Variants in GARIN5A observed in about 807,000 individuals in gnomAD.
GARIN5A encodes golgi associated RAB2 interactor 5A.
chr19:50,476,560 G>C, the GARIN5A span: 1 of 1,574,944 alleles, frequency 6.3e-7, no homozygotes, highest in Non-Finnish European at 8.6e-7. Flanking sequence ...GGCAGCCAGC[G>C]CTGGGGCAAC....
the GARIN5A span, chr19:50,467,955 C>G: frequency 3.8e-6 from 3 of 793,698 alleles, no homozygotes; most frequent in Non-Finnish European, 2.1e-6. Flanking sequence ...CTTTCATTGC[C>G]TCTTGAACTT....
chr19:50,473,120 C>T, the GARIN5A span, among the ~76,000 whole-genome samples: 1 of 152,146 alleles, frequency 6.6e-6, no homozygotes, highest in Non-Finnish European at 1.5e-5. Flanking sequence ...TTAACTTAGG[C>T]AGGGGGATTA....
the GARIN5A span, chr19:50,476,030 C>T: frequency 6.2e-7 from 1 of 1,604,454 alleles, no homozygotes; most frequent in Non-Finnish European, 8.5e-7. Flanking sequence ...CACAGCCCCG[C>T]GGAGAGGACG....
the GARIN5A span, among the ~76,000 whole-genome samples, chr19:50,472,234 ATG>A: frequency 7.0e-5 from 5 of 71,720 alleles, no homozygotes; most frequent in South Asian, 5.0e-4. Context: ...ATATACATGT[ATG>A]TGTGTATTAT....
chr19:50,467,570 T>G, the GARIN5A span: 1,121 of 1,540,376 alleles, frequency 7.3e-4, 14 homozygotes, highest in African/African-American at 0.014. Context: ...TCCCACTCCC[T>G]CTGGGCCTCC....
At chr19:50,472,182 G>GTATA in the GARIN5A span, among the ~76,000 whole-genome samples, 7 of 139,524 alleles carry the variant, frequency 5.0e-5, no homozygotes, top group South Asian at 8.6e-4. Context: ...GTATATGTAT[G>GTATA]TATACATGTA....
the GARIN5A span, among the ~76,000 whole-genome samples, chr19:50,471,279 G>A: frequency 1.3e-5 from 2 of 150,360 alleles, no homozygotes; most frequent in African/African-American, 4.9e-5. Flanking sequence ...CTGCTGGTTT[G>A]TTTGTTTTGA....
the GARIN5A span, among the ~76,000 whole-genome samples, chr19:50,471,815 C>T: frequency 2.0e-5 from 3 of 146,658 alleles, no homozygotes; most frequent in Admixed American, 6.7e-5. Flanking sequence ...CGCATACATA[C>T]CTGTGTGTAT....
the GARIN5A span, among the ~76,000 whole-genome samples, chr19:50,472,125 TAC>T: frequency 7.3e-6 from 1 of 137,264 alleles, no homozygotes; most frequent in South Asian, 2.3e-4. Context: ...TATGTATATA[TAC>T]GTGTGTATAT....
At chr19:50,470,279 C>T in the GARIN5A span, among the ~76,000 whole-genome samples, 2 of 152,058 alleles carry the variant, frequency 1.3e-5, no homozygotes, top group East Asian at 1.9e-4. Context: ...TTTGGGAGGC[C>T]GAGGCAGGCG....
the GARIN5A span, chr19:50,476,418 GGGTGCCAGTGCGCA>G: frequency 4.5e-6 from 7 of 1,546,094 alleles, no homozygotes; most frequent in Non-Finnish European, 6.1e-6. Context: ...AGGTGCGGAC[GGGTGCCAGTGCGCA>G]GGTGCCGGGG....
the GARIN5A span, among the ~76,000 whole-genome samples, chr19:50,468,589 C>G: frequency 6.6e-6 from 1 of 151,994 alleles, no homozygotes; most frequent in East Asian, 2.0e-4. Flanking sequence ...ACACCACATC[C>G]TGGTGGCTCC....
At chr19:50,475,849 T>C in the GARIN5A span, 4 of 1,613,618 alleles carry the variant, frequency 2.5e-6, no homozygotes, top group Non-Finnish European at 3.4e-6. Context: ...GAAGTTGCTC[T>C]CAAAGATGGG....
chr19:50,476,254 G>T, the GARIN5A span: 1 of 1,612,706 alleles, frequency 6.2e-7, no homozygotes, highest in Admixed American at 1.7e-5. Context: ...GAAAGCGAGG[G>T]GGCGGGACTA....
the GARIN5A span, among the ~76,000 whole-genome samples, chr19:50,472,112 GTA>G: frequency 6.6e-6 from 1 of 150,772 alleles, no homozygotes; most frequent in East Asian, 2.0e-4. Flanking sequence ...ATATACGTGT[GTA>G]TATGTATATA....
chr19:50,468,442 A>T, the GARIN5A span, among the ~76,000 whole-genome samples: 1 of 147,966 alleles, frequency 6.8e-6, no homozygotes, highest in Non-Finnish European at 1.5e-5. Context: ...TCAACAGCCC[A>T]CTTCTCAAGC....
the GARIN5A span, chr19:50,475,223 T>A: frequency 1.1e-5 from 16 of 1,453,786 alleles, no homozygotes; most frequent in East Asian, 2.6e-4. Flanking sequence ...CACTGCCAGC[T>A]CCTGGCCCTG....
At chr19:50,475,487 TA>T in the GARIN5A span, 3 of 1,579,248 alleles carry the variant, frequency 1.9e-6, no homozygotes, top group East Asian at 6.8e-5. Context: ...CGGGGCAGGA[TA>T]GATGTCGGGG....
At chr19:50,476,370 G>A in the GARIN5A span, 1 of 1,566,408 alleles carries the variant, frequency 6.4e-7, no homozygotes, top group East Asian at 2.3e-5. Flanking sequence ...TGGAGATCAG[G>A]CCAAAGGGGC....
Sources: allele counts gnomAD v4.1 joint callset (sites outside exome capture counted in the v4.1 genomes callset), GRCh38; gene constraint gnomAD v4.1.1; transcripts MANE v1.5; gene names NCBI Gene and HGNC (gene_info 2026-07-23, HGNC 2026-07-21).